COL28A1: variants seen among roughly 807,000 people sequenced by gnomAD.
The protein encoded by COL28A1 is collagen type XXVIII alpha 1 chain, also known as collagen alpha-1(XXVIII) chain.
A neutral mutation model predicts 150.2 loss-of-function variants in COL28A1; 161 were observed. That is an observed-to-expected ratio of 1.07 (90% CI 0.94 to 1.22). The LOEUF (loss-of-function observed/expected upper bound fraction) is 1.22, where lower values mean the gene tolerates loss of function less well. COL28A1 is among the 50% of genes most tolerant of loss of function. The pLI, the probability that COL28A1 is intolerant of heterozygous loss-of-function variation, is 0.00. For missense variants in COL28A1, 1,617 were observed against 1,388.3 expected (o/e 1.16, Z -2.62); for synonymous variants, 552 against 469.7 (o/e 1.18, Z -2.26).
chr7:7,422,815 C>T (rs527300114), intron 25 of COL28A1, among the ~76,000 whole-genome samples: 1 of 152,120 alleles, frequency 6.6e-6, no homozygotes, highest in Non-Finnish European at 1.5e-5. Flanking sequence ...TTACTACCAG[C>T]TTACAGTAAT....
intron 4 of COL28A1, among the ~76,000 whole-genome samples, chr7:7,522,464 T>C (rs2115204890): frequency 6.6e-6 from 1 of 152,294 alleles, no homozygotes. Flanking sequence ...TGCACCTTCT[T>C]CCTCATTTTA....
downstream of COL28A1, among the ~76,000 whole-genome samples, chr7:7,357,383 G>A (rs974873242): frequency 9.2e-5 from 14 of 152,222 alleles, 1 homozygote; most frequent in South Asian, 2.1e-4. Flanking sequence ...ATATGTGGCC[G>A]GGCGGGGTGG....
chr7:7,420,072 C>T, intron 25 of COL28A1, 119 bp from the exon 26 acceptor site: 1 of 505,468 alleles, frequency 2.0e-6, no homozygotes, highest in Non-Finnish European at 3.3e-6. Flanking sequence ...ATTGAACCCT[C>T]TTCTCCTAGA....
intron 8 of COL28A1, among the ~76,000 whole-genome samples, chr7:7,513,131 A>G (rs772049869): frequency 6.6e-6 from 1 of 152,232 alleles, no homozygotes; most frequent in Non-Finnish European, 1.5e-5. Context: ...GCAGTGCTCT[A>G]TGGAGGGAAA....
Position 7,373,995 on chromosome 7 carries a change from G to A in COL28A1, c.2360-449C>T, listed in dbSNP as rs184358697. 7.8e-4 allele frequency among the ~76,000 whole-genome samples: 108 copies of A among 139,120 alleles called. No individual in the cohort carries two copies. The highest frequency in any genetic ancestry group is 3.8e-3 in the Middle Eastern group (1 of 260). The allele number at this position is 139,120 out of a possible 152,430, so 91.3% of individuals were successfully genotyped here. On this transcript the variant is annotated intron_variant, in intron 31 of 34. Transcript: ENST00000399429. The surrounding 1 kb of genome is among the most constrained non-coding windows in gnomAD (Gnocchi z 4.1). Reference sequence around the variant, plus strand: ...ATTACAGGCGTGAGCCACCGCGCCCGGCCCCTTCTGGTTTCTATACTTGAC... The same window carrying A: ...ATTACAGGCGTGAGCCACCGCGCCCAGCCCCTTCTGGTTTCTATACTTGAC...
rs34049695 is a variant in COL28A1 at position 7,367,815 on chromosome 7, TA to T, written c.3066+2909del. On this transcript the variant is annotated intron_variant, in intron 33 of 34. Transcript: ENST00000399429. ...GCAAACTAAACTCACTATTTTCCTT[TA>T]AAAAAAAAAAAAACCACCCTGCCTT... 8.8e-3 allele frequency among the ~76,000 whole-genome samples: 1,253 copies of T among 142,746 alleles called. 18 individuals carry two copies. Among genetic ancestry groups the T allele is most frequent in the African/African-American group, 0.03 (1,173 of 38,736 alleles). The allele number at this position is 142,746 out of a possible 152,430, so 93.6% of individuals were successfully genotyped here.
At chr7:7,519,581 A>AT (rs1052767962) in intron 6 of COL28A1, among the ~76,000 whole-genome samples, 2 of 152,006 alleles carry the variant, frequency 1.3e-5, no homozygotes, top group African/African-American at 2.4e-5. Context: ...AAAGCCTGGG[A>AT]TTTTTTTTGA....
In COL28A1 at chr7:7,358,929, A is replaced by G. The variant is rs886888371; in HGVS notation, c.3206-124T>C. On this transcript the variant is annotated intron_variant, in intron 34 of 34. Coordinates refer to ENST00000399429, the MANE Select transcript of COL28A1 (RefSeq NM_001037763.3). ...ATGCACACTAACAAACCAAGAAAAT[A>G]TGGTTCTAAGTAAGTGAAAGAAGGA... is the stretch of plus-strand genomic sequence containing the variant. The G allele has an allele frequency of 7.6e-5, 57 of 754,686 alleles. No individual in the cohort carries two copies. In the East Asian group the frequency reaches 1.7e-3, roughly 23 times the overall value. 46.7% of individuals were successfully genotyped at this position (754,686 alleles called of 1,614,324 possible).
At chr7:7,388,692 C>G (rs958098987) in intron 27 of COL28A1, among the ~76,000 whole-genome samples, 1 of 152,084 alleles carries the variant, frequency 6.6e-6, no homozygotes, top group Non-Finnish European at 1.5e-5. Flanking sequence ...TTTTAATGAT[C>G]GCCATTCTAA....
intron 17 of COL28A1, 43 bp from the exon 18 acceptor site, chr7:7,452,430 T>C (rs926600818): frequency 6.4e-7 from 1 of 1,566,086 alleles, no homozygotes; most frequent in African/African-American, 1.4e-5. Context: ...GTGAAAATAA[T>C]ATATTCCTGC....
chr7:7,503,358 T>C (rs1341066005), intron 11 of COL28A1, among the ~76,000 whole-genome samples: 2 of 152,212 alleles, frequency 1.3e-5, no homozygotes, highest in African/African-American at 4.8e-5. Flanking sequence ...CTTAAAACTT[T>C]ACTTATACAT....
intron 11 of COL28A1, among the ~76,000 whole-genome samples, chr7:7,493,373 G>A (rs566690842): frequency 6.6e-6 from 1 of 152,086 alleles, no homozygotes; most frequent in Non-Finnish European, 1.5e-5. Flanking sequence ...ACCTTGAAAT[G>A]TATGGATCAG....
At position 7,531,609 on chromosome 7, in the gene COL28A1, G is replaced by A; in HGVS notation, c.420C>T (p.Ala140=). ...GCCCTTCTCTCTTAAGTAGCCTAGT[G>A]GCATTGGAAATGGCATAATAAGAGA... is the stretch of plus-strand genomic sequence containing the variant. The part of the protein sequence containing the change: ...GTFSYYAISN[A]TRLLKREGRK... Residue 140 remains alanine, a synonymous_variant, in exon 3 of 35, where the codon GCC becomes GCT. Transcript: ENST00000399429. 1 of 1,606,318 alleles carries A rather than the reference G, an allele frequency of 6.2e-7. No individual in the cohort carries two copies. The highest frequency in any genetic ancestry group is 8.5e-7 in the Non-Finnish European group (1 of 1,172,852).
At chr7:7,487,935 G>A (rs911116634) in intron 13 of COL28A1, among the ~76,000 whole-genome samples, 6 of 152,120 alleles carry the variant, frequency 3.9e-5, no homozygotes, top group African/African-American at 1.4e-4. Context: ...CTGCCCATGT[G>A]GAGGAGAAAT....
At chr7:7,348,607 CTATT>C in the COL28A1 span, among the ~76,000 whole-genome samples, 66 of 151,630 alleles carry the variant, frequency 4.4e-4, 1 homozygote, top group African/African-American at 1.5e-3. Context: ...ATGTATATAT[CTATT>C]TATTTTCTGC....
At chr7:7,396,431 C>T (rs561613653) in intron 27 of COL28A1, among the ~76,000 whole-genome samples, 5 of 152,308 alleles carry the variant, frequency 3.3e-5, no homozygotes, top group South Asian at 2.1e-4. Flanking sequence ...TTCCCTAATA[C>T]TATCTTGGTG....
chr7:7,418,165 G>T (rs575609493), intron 26 of COL28A1, among the ~76,000 whole-genome samples: 1 of 152,186 alleles, frequency 6.6e-6, no homozygotes, highest in Non-Finnish European at 1.5e-5. Flanking sequence ...AAGCAGAGCC[G>T]CTGGGCCTAA....
chr7:7,369,097 G>A (rs572041445), intron 33 of COL28A1, among the ~76,000 whole-genome samples: 2 of 152,300 alleles, frequency 1.3e-5, no homozygotes, highest in South Asian at 2.1e-4. Context: ...CTCAGTTTAA[G>A]CATCAATTCC....
chr7:7,489,022 G>T (rs1779773511), intron 13 of COL28A1, among the ~76,000 whole-genome samples: 1 of 152,124 alleles, frequency 6.6e-6, no homozygotes, highest in East Asian at 1.9e-4. Flanking sequence ...GATGCAAGGT[G>T]GTTGGGAGGC....
Sources: gnomAD v4.1 joint callset for allele counts (sites outside exome capture counted in the v4.1 genomes callset) on GRCh38, gnomAD v4.1.1 for gene constraint, Gnocchi (gnomAD v3.1) non-coding constraint, MANE v1.5 for transcripts, NCBI Gene and HGNC (gene_info 2026-07-23, HGNC 2026-07-21) for gene names.